The following PFKP variants were observed in gnomAD, a reference collection of about 807,000 sequenced individuals.
The protein encoded by PFKP is ATP-dependent 6-phosphofructokinase, platelet type.
In PFKP, 101 loss-of-function variants were observed where a neutral mutation model predicts 94.3. That is an observed-to-expected ratio of 1.07 (90% CI 0.91 to 1.26). The LOEUF (loss-of-function observed/expected upper bound fraction) is 1.26, where lower values mean the gene tolerates loss of function less well. Ranked by LOEUF, PFKP falls within the 50% of genes most tolerant of loss-of-function variation. The pLI is 0.00. For missense variants in PFKP, 1,145 were observed against 1,103.3 expected (o/e 1.04, Z -0.53); for synonymous variants, 573 against 432.6 (o/e 1.32, Z -4.03).
chr10:3,090,150 C>T (rs566715841), intron 2 of PFKP, among the ~76,000 whole-genome samples: 6 of 152,218 alleles, frequency 3.9e-5, no homozygotes, highest in South Asian at 4.2e-4. Context: ...TCAGTGGGTG[C>T]GTGGATAAAA....
intron 2 of PFKP, among the ~76,000 whole-genome samples, chr10:3,089,941 G>C (rs138082580): frequency 2.0e-3 from 301 of 151,972 alleles, no homozygotes; most frequent in Admixed American, 3.6e-3. Context: ...TCCTAACTCT[G>C]TCTTCATGAG....
chr10:3,120,440 A>G (rs1045705922), intron 16 of PFKP, among the ~76,000 whole-genome samples: 3 of 151,926 alleles, frequency 2.0e-5, no homozygotes, highest in Non-Finnish European at 2.9e-5. Context: ...ACCCATTATG[A>G]TGAACCCCTG....
intron 1 of PFKP, among the ~76,000 whole-genome samples, chr10:3,080,005 C>A (rs1464860120): frequency 6.6e-6 from 1 of 152,072 alleles, no homozygotes; most frequent in Non-Finnish European, 1.5e-5. Context: ...CAAGCCAGGC[C>A]CTTTTCCTGG....
intron 2 of PFKP, among the ~76,000 whole-genome samples, chr10:3,084,708 TCCCCAGGAGAGTCCTCCAGCCC>T (rs1833357720): frequency 1.5e-5 from 1 of 66,024 alleles, no homozygotes; most frequent in Non-Finnish European, 3.8e-5. Context: ...CTCCAGCCCC[TCCCCAGGAGAGTCCTCCAGCCC>T]CTCCCCAGGA....
At chr10:3,086,332 C>A (rs1337301955) in intron 2 of PFKP, among the ~76,000 whole-genome samples, 5 of 152,210 alleles carry the variant, frequency 3.3e-5, no homozygotes, top group African/African-American at 1.2e-4. Context: ...AATCACTTCT[C>A]TTATTTCACA....
chr10:3,096,838 G>C lies in PFKP; in HGVS notation c.187-2437G>C, dbSNP rs578135957. On this transcript the variant is annotated intron_variant, in intron 2 of 21. Transcript: ENST00000381125. ...TCATGCCTGTAATCCCAGCACTTTG[G>C]GAGTCCGAGGCGGGCGGATCACGAG... 6.8e-5 allele frequency among the ~76,000 whole-genome samples: 10 copies of C among 146,114 alleles called. No homozygotes were observed. The East Asian group carries it at 2.0e-3, about 29-fold the overall frequency.
In PFKP at chr10:3,105,102, G is replaced by C. The variant is rs1403646281; in HGVS notation, c.621-13G>C. On this transcript the variant is annotated splice_polypyrimidine_tract_variant and intron_variant, in intron 5 of 21. Coordinates refer to ENST00000381125, the MANE Select transcript of PFKP (RefSeq NM_002627.5). ...CTGAGCTGTGTCCGGGGCTCCCTCT[G>C]TTTCTCTTCCAGCCACCAGAGGACC... 6.2e-7 allele frequency: 1 copy of C among 1,613,778 alleles called. No homozygotes were observed. Among genetic ancestry groups the C allele is most frequent in the Admixed American group, 1.7e-5 (1 of 59,982 alleles).
chr10:3,112,141 C>T, intron 10 of PFKP, 81 bp from the exon 11 acceptor site: 1 of 1,154,590 alleles, frequency 8.7e-7, no homozygotes. Flanking sequence ...GTGGGAAGGA[C>T]CGAGCCAGTC....
intron 8 of PFKP, among the ~76,000 whole-genome samples, chr10:3,108,434 A>G (rs1319736292): frequency 6.6e-6 from 1 of 152,210 alleles, no homozygotes; most frequent in Non-Finnish European, 1.5e-5. Flanking sequence ...TTCTTTTTTA[A>G]AGCAACGAAC....
intron 16 of PFKP, 81 bp downstream of exon 16, chr10:3,120,125 C>A: frequency 9.1e-7 from 1 of 1,103,346 alleles, no homozygotes; most frequent in Non-Finnish European, 1.4e-6. Context: ...TACCAGTGCG[C>A]TAGAAATAGC....
At chr10:3,114,025 A>G (rs1183707807) in intron 13 of PFKP, among the ~76,000 whole-genome samples, 1 of 87,388 alleles carries the variant, frequency 1.1e-5, no homozygotes, top group Non-Finnish European at 2.6e-5. Flanking sequence ...TTTTCCTCAC[A>G]AGAAAACCGA....
chr10:3,125,016 T>A, intron 16 of PFKP: 1 of 1,091,980 alleles, frequency 9.2e-7, no homozygotes, highest in Non-Finnish European at 1.1e-6. Context: ...CTCCCGTCCC[T>A]TCCTGGACCT....
intron 3 of PFKP, among the ~76,000 whole-genome samples, chr10:3,099,902 GTC>G (rs1450687759): frequency 1.4e-5 from 2 of 146,414 alleles, no homozygotes; most frequent in Non-Finnish European, 3.0e-5. Context: ...AACTGTGTGA[GTC>G]TGGTGTGTGT....
chr10:3,090,297 C>T (rs1274473658), intron 2 of PFKP, among the ~76,000 whole-genome samples: 1 of 152,356 alleles, frequency 6.6e-6, no homozygotes, highest in East Asian at 1.9e-4. Context: ...GGACGTACTG[C>T]AGTGACTGTG....
At chr10:3,105,746 G>GC (rs1345977702) in intron 7 of PFKP, among the ~76,000 whole-genome samples, 31 of 152,296 alleles carry the variant, frequency 2.0e-4, no homozygotes, top group South Asian at 6.2e-4. Context: ...TGGTTAGAAT[G>GC]CCCCATGCGT....
intron 2 of PFKP, among the ~76,000 whole-genome samples, chr10:3,086,202 T>C (rs1440018139): frequency 2.0e-5 from 3 of 152,224 alleles, no homozygotes; most frequent in Non-Finnish European, 4.4e-5. Context: ...CTTGTGATTT[T>C]CACGGCTGCT....
At chr10:3,088,151 C>T (rs1564280469) in intron 2 of PFKP, among the ~76,000 whole-genome samples, 2 of 117,954 alleles carry the variant, frequency 1.7e-5, no homozygotes, top group African/African-American at 6.5e-5. Flanking sequence ...CCCCCTCCCC[C>T]CACCCCACAA....
intron 4 of PFKP, 32 bp from the exon 5 acceptor site, chr10:3,103,747 G>A (rs918802619): frequency 1.2e-6 from 2 of 1,611,544 alleles, no homozygotes; most frequent in African/African-American, 1.3e-5. Context: ...CATGGTTACG[G>A]CGATGAGACG....
At position 3,108,006 on chromosome 10, in the gene PFKP, C is replaced by G. The variant is rs139338630; in HGVS notation, c.871-695C>G. 5.4e-3 allele frequency: 6,901 copies of G among 1,289,626 alleles called. 21 individuals are homozygous for G. The highest frequency in any genetic ancestry group is 6.4e-3 in the Non-Finnish European group (6,335 of 988,794). The allele number at this position is 1,289,626 out of a possible 1,614,324, so 79.9% of individuals were successfully genotyped here. A position where few individuals can be genotyped will look rare whatever the true frequency, so the allele number is the denominator to read the frequency against. ...CTTCTTTATTGTGCTTTGTTATGGTCAGTTAAGGAGCAAAGCATATCTCTG... is the reference window on the plus strand; with the variant it reads ...CTTCTTTATTGTGCTTTGTTATGGTGAGTTAAGGAGCAAAGCATATCTCTG... On this transcript the variant is annotated intron_variant, in intron 8 of 21. Coordinates refer to ENST00000381125, the MANE Select transcript of PFKP (RefSeq NM_002627.5).
Sources: gnomAD v4.1 joint callset for allele counts (sites outside exome capture counted in the v4.1 genomes callset) on GRCh38, gnomAD v4.1.1 for gene constraint, MANE v1.5 for transcripts, NCBI Gene and HGNC (gene_info 2026-07-23, HGNC 2026-07-21) for gene names.